Variants in XIRP2 observed in about 807,000 individuals in gnomAD.
The protein encoded by XIRP2 is xin actin-binding repeat-containing protein 2.
A neutral mutation model predicts 277.0 loss-of-function variants in XIRP2; 236 were observed. That is an observed-to-expected ratio of 0.85 (90% confidence interval 0.77 to 0.95). XIRP2 has a LOEUF of 0.95. Among genes scored for constraint, XIRP2 ranks in the 40% least tolerant of loss-of-function variants. The probability of loss-of-function intolerance (pLI) is 0.00; values close to 1 mark genes in which losing one functional copy is unlikely to be tolerated. For synonymous variants in XIRP2, 1,490 were observed against 1,416.5 expected, an observed-to-expected ratio of 1.05 and a Z score of -1.17; for missense variants, 4,640 against 4,157.5, an observed-to-expected ratio of 1.12 and a Z score of -3.19.
At chr2:166,911,801 C>G (rs951426403) in intron 2 of XIRP2, among the ~76,000 whole-genome samples, 3 of 152,110 alleles carry the variant, frequency 2.0e-5, no homozygotes, top group Admixed American at 2.0e-4. Context: ...TTAGGGCAGG[C>G]CTGGTGGTGA....
intron 3 of XIRP2, among the ~76,000 whole-genome samples, chr2:167,182,266 C>T (rs755781808): frequency 2.0e-4 from 30 of 152,266 alleles, no homozygotes; most frequent in Non-Finnish European, 2.8e-4. Flanking sequence ...TTTGTGTATG[C>T]TAGCTAATAA....
At position 167,251,735 on chromosome 2, in the gene XIRP2, G is replaced by T. The variant is rs200824426; in HGVS notation, c.10343G>T (p.Gly3448Val). The change falls in exon 9 of 11, where the codon GGC becomes GTC. Residue 3448 changes from glycine to valine, a missense_variant. Transcript: ENST00000409195. ...SSHSSEAGKS[G>V]CDFKHAPPTY... ...CATAGCTCAGAAGCTGGCAAATCTG[G>T]CTGTGACTTCAAGCATGCCCCACCA... is the stretch of plus-strand genomic sequence containing the variant. 2 of 1,613,204 alleles carry T rather than the reference G, an allele frequency of 1.2e-6. No homozygotes were observed. Among genetic ancestry groups the T allele is most frequent in the Admixed American group, 3.3e-5 (2 of 59,906 alleles).
intron 3 of XIRP2, among the ~76,000 whole-genome samples, chr2:167,203,164 A>G (rs1339737357): frequency 1.3e-5 from 2 of 152,176 alleles, no homozygotes; most frequent in Non-Finnish European, 2.9e-5. Flanking sequence ...GTAAGGTCGC[A>G]TATTCATAGG....
chr2:167,241,637 T>G, intron 7 of XIRP2, 140 bp from the exon 8 acceptor site: 1 of 917,776 alleles, frequency 1.1e-6, no homozygotes. Flanking sequence ...CTCACACCCT[T>G]GGGCTCAAGT....
chr2:167,181,968 C>T (rs1188064483), intron 3 of XIRP2, among the ~76,000 whole-genome samples: 3 of 152,056 alleles, frequency 2.0e-5, no homozygotes, highest in Non-Finnish European at 4.4e-5. Context: ...CTCCCCAAAG[C>T]CCCCTGGCTT....
At chr2:167,035,960 G>A (rs904699442) in intron 2 of XIRP2, among the ~76,000 whole-genome samples, 1 of 152,232 alleles carries the variant, frequency 6.6e-6, no homozygotes, top group South Asian at 2.1e-4. Flanking sequence ...GAGGGTGGAA[G>A]CCCCAAGCTT....
intron 2 of XIRP2, among the ~76,000 whole-genome samples, chr2:167,080,867 G>T (rs989436647): frequency 6.6e-6 from 1 of 151,996 alleles, no homozygotes; most frequent in Non-Finnish European, 1.5e-5. Context: ...CATGTTTAAG[G>T]TTGCATTGAG....
chr2:167,051,596 A>C (rs771161800), intron 2 of XIRP2, among the ~76,000 whole-genome samples: 11 of 152,102 alleles, frequency 7.2e-5, no homozygotes, highest in Non-Finnish European at 1.5e-4. Flanking sequence ...TTTGAAATTC[A>C]TTCATTTTGA....
chr2:167,249,292 C>T lies in XIRP2; in HGVS notation c.7900C>T (p.Pro2634Ser), dbSNP rs773257582. Residue 2634 changes from proline to serine, a missense_variant, in exon 9 of 11, where the codon CCA becomes TCA. Pro to Ser is a moderately conservative substitution (Grantham distance 74). Coordinates refer to ENST00000409195, the MANE Select transcript of XIRP2 (RefSeq NM_152381.6). ...CSDNQLSTTS[P>S]ETVAAKRLHH... The stretch of plus-strand genomic sequence containing the variant: ...TGATAACCAACTCTCCACAACATCG[C>T]CAGAAACAGTCGCTGCCAAGAGGCT... The T allele has an allele frequency of 4.3e-6, 7 of 1,613,736 alleles. No individual in the cohort carries two copies. In the Admixed American group the frequency reaches 8.3e-5, roughly 19 times the overall value.
At chr2:166,927,953 A>T (rs531318722) in intron 2 of XIRP2, among the ~76,000 whole-genome samples, 1 of 152,284 alleles carries the variant, frequency 6.6e-6, no homozygotes, top group South Asian at 2.1e-4. Context: ...AATGTTAAAG[A>T]ATGTTAAAGA....
chr2:167,138,596 A>G (rs1335635134), intron 3 of XIRP2, among the ~76,000 whole-genome samples: 1 of 152,118 alleles, frequency 6.6e-6, no homozygotes, highest in Non-Finnish European at 1.5e-5. Flanking sequence ...TTGGAGATAC[A>G]CTCTAACAGT....
chr2:167,245,858 A>G lies in XIRP2; in HGVS notation c.4466A>G (p.Gln1489Arg), dbSNP rs541534752. ...QEDVQKGDVK[Q>R]AVWLFENRTF... is the part of the protein sequence containing the mutation. ...GATGTGCAGAAAGGTGATGTTAAGCAGGCTGTGTGGCTTTTTGAAAATCGA... is the reference window on the plus strand; with the variant it reads ...GATGTGCAGAAAGGTGATGTTAAGCGGGCTGTGTGGCTTTTTGAAAATCGA... Residue 1489 changes from glutamine (Q) to arginine (R), a missense_variant, in exon 9 of 11, where the codon CAG becomes CGG. By Grantham distance (43) the Gln-to-Arg change is conservative. Coordinates refer to ENST00000409195, the MANE Select transcript of XIRP2 (RefSeq NM_152381.6). The G allele has an allele frequency of 1.9e-6, 3 of 1,613,678 alleles. No individual in the cohort carries two copies. The African/African-American group carries it at 4.0e-5, about 22-fold the overall frequency.
rs551363207 is a variant in XIRP2 at position 166,927,966 on chromosome 2, G to A, written c.408+24076G>A. On this transcript the variant is annotated intron_variant, in intron 2 of 10. Coordinates refer to ENST00000409195, the MANE Select transcript of XIRP2 (RefSeq NM_152381.6). ...GAAATGTTAAAGAATGTTAAAGAAA[G>A]GCTAAACAATATCCAGCTTCTAACA... Among the ~76,000 whole-genome samples, 6 of 152,212 alleles carry A rather than the reference G, an allele frequency of 3.9e-5. No individual in the cohort carries two copies. In the South Asian group the frequency reaches 1.2e-3, roughly 32 times the overall value.
chr2:167,098,280 C>T (rs1264094250), intron 2 of XIRP2, among the ~76,000 whole-genome samples: 2 of 152,126 alleles, frequency 1.3e-5, no homozygotes, highest in East Asian at 1.9e-4. Context: ...TGTCTTCATG[C>T]TTTATTTCAT....
chr2:167,218,582 GACA>G (rs1694327633), intron 5 of XIRP2, among the ~76,000 whole-genome samples: 1 of 152,136 alleles, frequency 6.6e-6, no homozygotes, highest in Admixed American at 6.5e-5. Context: ...GTCTAGGTTA[GACA>G]ACAGGTAAAT....
intron 5 of XIRP2, among the ~76,000 whole-genome samples, chr2:167,223,384 C>T (rs562991504): frequency 1.7e-4 from 26 of 152,238 alleles, no homozygotes; most frequent in Non-Finnish European, 2.9e-4. Flanking sequence ...AACTCTGATG[C>T]GCTGAGTGAC....
chr2:167,237,093 G>C (rs1361233038), intron 5 of XIRP2, among the ~76,000 whole-genome samples: 1 of 152,032 alleles, frequency 6.6e-6, no homozygotes, highest in Non-Finnish European at 1.5e-5. Flanking sequence ...AGTTCTATTT[G>C]GAAATAGCAC....
intron 2 of XIRP2, among the ~76,000 whole-genome samples, chr2:167,109,603 TCTAA>T (rs563600990): frequency 5.7e-4 from 87 of 152,294 alleles, no homozygotes; most frequent in African/African-American, 1.8e-3. Context: ...CTTTAACCAG[TCTAA>T]CGTTCATGGG....
intron 2 of XIRP2, among the ~76,000 whole-genome samples, chr2:167,121,219 A>G (rs1394676589): frequency 1.3e-5 from 2 of 152,192 alleles, no homozygotes; most frequent in African/African-American, 4.8e-5. Context: ...CCTGAAATAG[A>G]CAGAAGCCAT....
Sources: gnomAD v4.1 joint callset for allele counts (sites outside exome capture counted in the v4.1 genomes callset) on GRCh38, gnomAD v4.1.1 for gene constraint, MANE v1.5 for transcripts, NCBI Gene and HGNC (gene_info 2026-07-23, HGNC 2026-07-21) for gene names.